Variants in TMEM164 observed in about 807,000 individuals in gnomAD.
The protein encoded by TMEM164 is transmembrane protein 164.
TMEM164 carries 4 observed loss-of-function variants against 18.8 expected under a neutral mutation model. That is an observed-to-expected ratio of 0.21 (90% CI 0.10 to 0.49). The LOEUF (loss-of-function observed/expected upper bound fraction) is 0.49. TMEM164 is among the 20% of genes least tolerant of loss of function. The pLI is 0.98. For missense variants in TMEM164, 108 were observed against 239.9 expected, an observed-to-expected ratio of 0.45 and a Z score of 3.63; for synonymous variants, 86 against 101.7, an observed-to-expected ratio of 0.85 and a Z score of 0.93.
intron 4 of TMEM164, among the ~76,000 whole-genome samples, chrX:110,139,579 G>A (rs2066739772): frequency 8.9e-6 from 1 of 111,935 alleles, no homozygotes; most frequent in Admixed American, 9.5e-5. Flanking sequence ...GAATGTAAAG[G>A]GTTAATAGCA....
chrX:110,075,495 T>C (rs1351649837), intron 3 of TMEM164, among the ~76,000 whole-genome samples: 1 of 111,557 alleles, frequency 9.0e-6, no homozygotes, highest in Non-Finnish European at 1.9e-5. Flanking sequence ...CAGTACTATG[T>C]TGAATAGGAA....
At chrX:110,029,943 C>CT (rs1218163064) in intron 2 of TMEM164, among the ~76,000 whole-genome samples, 3 of 109,783 alleles carry the variant, frequency 2.7e-5, no homozygotes, top group Admixed American at 9.7e-5. Context: ...TTCTCTGTCT[C>CT]TTTTTTTAAA....
chrX:110,165,988 C>T (rs2067154389), intron 5 of TMEM164, among the ~76,000 whole-genome samples: 1 of 112,012 alleles, frequency 8.9e-6, no homozygotes, highest in Non-Finnish European at 1.9e-5. Context: ...AGTGGCTTCT[C>T]ATTGTATATA....
At chrX:110,157,372 G>T (rs1417900749) in intron 5 of TMEM164, among the ~76,000 whole-genome samples, 1 of 111,824 alleles carries the variant, frequency 8.9e-6, no homozygotes, top group African/African-American at 3.3e-5. Flanking sequence ...CAGGGAAGAA[G>T]TTAAGGGCAT....
intron 5 of TMEM164, among the ~76,000 whole-genome samples, chrX:110,162,669 G>A (rs1259682372): frequency 8.9e-6 from 1 of 112,379 alleles, no homozygotes; most frequent in Non-Finnish European, 1.9e-5. Flanking sequence ...TCTTGGGGTT[G>A]TGCCATGCTG....
chrX:110,003,906 G>T lies in TMEM164; in HGVS notation c.132G>T (p.Val44=), dbSNP rs1312176202. 8.3e-7 allele frequency: 1 copy of T among 1,211,745 alleles called. No individual in the cohort carries two copies. Among genetic ancestry groups the T allele is most frequent in the South Asian group, 1.8e-5 (1 of 56,980 alleles). ...SWQQRLLESV[V]VLTLALLEIL... is the part of the protein sequence containing the mutation. ...AGCAGCGGCTGCTGGAAAGTGTGGT[G>T]GTCCTGACCCTGGCTCTGTTGGAGA... is the stretch of plus-strand genomic sequence containing the variant. The change falls in exon 2 of 7, where the codon GTG becomes GTT. Residue 44 remains valine, a synonymous_variant. Coordinates refer to ENST00000372068, the MANE Select transcript of TMEM164 (RefSeq NM_032227.4).
At chrX:110,005,776 C>A (rs1034328502) in intron 2 of TMEM164, among the ~76,000 whole-genome samples, 12 of 111,514 alleles carry the variant, frequency 1.1e-4, no homozygotes, top group African/African-American at 3.9e-4. Context: ...TAGGAAACAA[C>A]GCATCTCAGC....
intron 5 of TMEM164, among the ~76,000 whole-genome samples, chrX:110,152,354 G>A (rs1488269623): frequency 9.0e-6 from 1 of 110,753 alleles, no homozygotes; most frequent in African/African-American, 3.3e-5. Flanking sequence ...CTGCCCAGCT[G>A]AATTTTTACC....
intron 3 of TMEM164, among the ~76,000 whole-genome samples, chrX:110,100,604 C>T (rs746143814): frequency 4.8e-4 from 53 of 111,505 alleles, no homozygotes; most frequent in African/African-American, 1.5e-3. Context: ...TGGAGTCTCG[C>T]TCTGTTGCCC....
rs192683516 is a variant in TMEM164, at chrX:110,134,323, G to A, written c.508-10475G>A. On this transcript the variant is annotated intron_variant, in intron 4 of 6. Transcript: ENST00000372068. The stretch of plus-strand genomic sequence containing the variant: ...GCAGCACTTTGGGAGACAGAGGCAG[G>A]CAGATCACTTGAGGCCAGGAGTTCG... 8.1e-3 allele frequency among the ~76,000 whole-genome samples: 902 copies of A among 111,097 alleles called. 8 individuals carry two copies. Among genetic ancestry groups the A allele is most frequent in the African/African-American group, 0.026 (790 of 30,536 alleles).
rs1006132733 is a variant in TMEM164 at position 110,106,070 on chromosome X, G to A, written c.441-3010G>A. Among the ~76,000 whole-genome samples, 4 of 111,984 alleles carry A rather than the reference G, an allele frequency of 3.6e-5. No individual in the cohort carries two copies. In the Admixed American group the frequency reaches 3.8e-4, roughly 11 times the overall value. On this transcript the variant is annotated intron_variant, in intron 3 of 6. Transcript: ENST00000372068. ...ACATAGAAATGTTCAATACATGTTA[G>A]AAATGTTTGTGATTATTAATATGCA...
intron 4 of TMEM164, among the ~76,000 whole-genome samples, chrX:110,132,127 A>G (rs1234338816): frequency 8.9e-6 from 1 of 112,036 alleles, no homozygotes. Context: ...ACCCAAGACC[A>G]TAGGCAAATT....
intron 3 of TMEM164, among the ~76,000 whole-genome samples, chrX:110,069,264 T>G (rs2065546815): frequency 8.9e-6 from 1 of 111,913 alleles, no homozygotes; most frequent in South Asian, 3.6e-4. Flanking sequence ...CACTTTTTGC[T>G]TTTGTATGTA....
At chrX:110,143,727 T>C (rs2066806133) in intron 4 of TMEM164, among the ~76,000 whole-genome samples, 2 of 110,145 alleles carry the variant, frequency 1.8e-5, no homozygotes, top group African/African-American at 6.6e-5. Context: ...GTCTTGGTTA[T>C]GTGCTTGCCC....
chrX:110,085,485 G>T (rs2065839168), intron 3 of TMEM164, among the ~76,000 whole-genome samples: 1 of 110,409 alleles, frequency 9.1e-6, no homozygotes, highest in African/African-American at 3.3e-5. Flanking sequence ...TATGGTTTAT[G>T]AATATTCAAA....
intron 5 of TMEM164, among the ~76,000 whole-genome samples, chrX:110,160,107 C>T (rs964351814): frequency 2.7e-5 from 3 of 111,986 alleles, no homozygotes; most frequent in African/African-American, 9.8e-5. Context: ...CCCCTCTCTT[C>T]ATCCTTGTGA....
intron 3 of TMEM164, among the ~76,000 whole-genome samples, chrX:110,072,514 A>G (rs183186692): frequency 3.6e-5 from 4 of 110,359 alleles, no homozygotes; most frequent in African/African-American, 1.3e-4. Flanking sequence ...TTTGTTGCCA[A>G]ATATTTAGTT....
At chrX:110,017,788 C>T (rs1390682288) in intron 2 of TMEM164, among the ~76,000 whole-genome samples, 1 of 108,354 alleles carries the variant, frequency 9.2e-6, no homozygotes, top group Non-Finnish European at 1.9e-5. Flanking sequence ...AGGCTGGTCT[C>T]GAACTCCTGA....
At chrX:110,136,524 G>A (rs936563798) in intron 4 of TMEM164, among the ~76,000 whole-genome samples, 5 of 111,710 alleles carry the variant, frequency 4.5e-5, no homozygotes, top group African/African-American at 1.3e-4. Context: ...TGTAGTCTAG[G>A]GCTGAGCTGA....
Sources: gnomAD v4.1 joint callset for allele counts (sites outside exome capture counted in the v4.1 genomes callset) on GRCh38, gnomAD v4.1.1 for gene constraint, MANE v1.5 for transcripts, NCBI Gene and HGNC (gene_info 2026-07-23, HGNC 2026-07-21) for gene names.